GPHN: variants seen among roughly 807,000 people sequenced by gnomAD.
The protein encoded by GPHN is gephyrin.
A neutral mutation model predicts 95.5 loss-of-function variants in GPHN; 17 were observed. The observed-to-expected ratio is 0.18, with a 90% CI of 0.12 to 0.27. GPHN has a LOEUF of 0.27. GPHN is among the 10% of genes least tolerant of loss of function. The pLI, the probability that GPHN is intolerant of heterozygous loss-of-function variation, is 1.00. For missense variants in GPHN, 660 were observed against 978.1 expected (o/e 0.67, Z 4.34); for synonymous variants, 320 against 322.5 (o/e 0.99, Z 0.08).
intron 4 of GPHN, among the ~76,000 whole-genome samples, chr14:66,859,720 A>G (rs558971065): frequency 6.6e-6 from 1 of 152,354 alleles, no homozygotes; most frequent in African/African-American, 2.4e-5. Flanking sequence ...ACTCAAATTC[A>G]AGATAACACA....
intron 9 of GPHN, among the ~76,000 whole-genome samples, chr14:66,993,901 C>G (rs980442198): frequency 1.3e-5 from 2 of 152,044 alleles, no homozygotes; most frequent in Admixed American, 1.3e-4. Context: ...ATCTGAGTAT[C>G]TTGGTAGATG....
At chr14:66,516,153 C>A (rs2058236340) in intron 1 of GPHN, among the ~76,000 whole-genome samples, 1 of 151,426 alleles carries the variant, frequency 6.6e-6, no homozygotes, top group Non-Finnish European at 1.5e-5. Context: ...ATTACAGGCG[C>A]CTGCCACCAT....
chr14:67,662,902 C>CAAAAAA, the GPHN span: 16 of 899,712 alleles, frequency 1.8e-5, no homozygotes, highest in South Asian at 1.3e-4. Flanking sequence ...GACTCTGTCT[C>CAAAAAA]AAAAAAAAAA....
the GPHN span, among the ~76,000 whole-genome samples, chr14:67,638,813 T>A: frequency 1.3e-5 from 2 of 152,226 alleles, no homozygotes; most frequent in Non-Finnish European, 2.9e-5. Context: ...CCCAGACTCA[T>A]GCTAACCATG....
chr14:67,315,077 G>C, the GPHN span, among the ~76,000 whole-genome samples: 3 of 151,870 alleles, frequency 2.0e-5, no homozygotes, highest in Admixed American at 6.6e-5. Context: ...CAGTGTAACA[G>C]AGCAGTCTCA....
chr14:67,125,837 A>C lies in GPHN; in HGVS notation c.1748+3460A>C, dbSNP rs530094022. On this transcript the variant is annotated intron_variant, in intron 17 of 22. Transcript: ENST00000478722. ...ACTCAACTATGACAGATAAGGGTAGAGAGTGACAGCTCTATTTGTATCATT... is the reference window on the plus strand; with the variant it reads ...ACTCAACTATGACAGATAAGGGTAGCGAGTGACAGCTCTATTTGTATCATT... Among the ~76,000 whole-genome samples, 363 of 152,104 alleles carry C rather than the reference A, an allele frequency of 2.4e-3. 4 individuals carry two copies. The highest frequency in any genetic ancestry group is 8.2e-3 in the African/African-American group (342 of 41,512).
At chr14:66,677,682 C>T (rs1325475108) in intron 1 of GPHN, among the ~76,000 whole-genome samples, 1 of 131,044 alleles carries the variant, frequency 7.6e-6, no homozygotes, top group African/African-American at 3.9e-5. Context: ...TTCTTGAGGC[C>T]AGTCTTGTGG....
At chr14:67,318,491 A>C in the GPHN span, among the ~76,000 whole-genome samples, 1 of 152,192 alleles carries the variant, frequency 6.6e-6, no homozygotes, top group Non-Finnish European at 1.5e-5. Context: ...TACTGTAGAA[A>C]ACGTGGCAAA....
intron 1 of GPHN, among the ~76,000 whole-genome samples, chr14:66,591,984 G>A (rs1456010696): frequency 2.0e-5 from 3 of 152,146 alleles, no homozygotes; most frequent in Non-Finnish European, 2.9e-5. Flanking sequence ...ACAGAATGGA[G>A]TCCTTAGACA....
At chr14:66,898,272 C>A (rs1486731025) in intron 5 of GPHN, among the ~76,000 whole-genome samples, 1 of 151,670 alleles carries the variant, frequency 6.6e-6, no homozygotes. Context: ...AGTCTAAGCA[C>A]CCTTCACCTA....
At chr14:66,559,493 T>C (rs1215598981) in intron 1 of GPHN, among the ~76,000 whole-genome samples, 3 of 149,468 alleles carry the variant, frequency 2.0e-5, no homozygotes, top group Non-Finnish European at 4.4e-5. Context: ...TGGTCAGTGA[T>C]GATGAGCATT....
the GPHN span, among the ~76,000 whole-genome samples, chr14:67,671,469 T>C: frequency 6.6e-6 from 1 of 151,940 alleles, no homozygotes; most frequent in East Asian, 1.9e-4. Context: ...GAGGTTGCAG[T>C]GAGCTGAGAT....
chr14:67,297,888 C>T, the GPHN span, among the ~76,000 whole-genome samples: 1 of 152,106 alleles, frequency 6.6e-6, no homozygotes, highest in Non-Finnish European at 1.5e-5. Flanking sequence ...GGGGAAATAG[C>T]CCTATTGATA....
intron 3 of GPHN, among the ~76,000 whole-genome samples, chr14:66,801,140 A>G (rs2060333135): frequency 6.6e-6 from 1 of 151,426 alleles, no homozygotes; most frequent in African/African-American, 2.4e-5. Flanking sequence ...CAACACAGCT[A>G]TTTTGTATTC....
the GPHN span, chr14:67,587,103 C>CTA: frequency 6.2e-7 from 1 of 1,612,714 alleles, no homozygotes; most frequent in Non-Finnish European, 8.5e-7. Context: ...TCATGGCCAG[C>CTA]TATATGAACC....
the GPHN span, among the ~76,000 whole-genome samples, chr14:67,708,064 T>C: frequency 6.6e-6 from 1 of 152,248 alleles, no homozygotes; most frequent in African/African-American, 2.4e-5. Context: ...AATAGCTGTA[T>C]TGTTATAAGT....
chr14:66,989,794 C>T (rs893811020), intron 9 of GPHN, among the ~76,000 whole-genome samples: 14 of 151,958 alleles, frequency 9.2e-5, no homozygotes, highest in Admixed American at 9.2e-4. Context: ...CCCAAGTATA[C>T]CTTAAAGTGC....
intron 1 of GPHN, among the ~76,000 whole-genome samples, chr14:66,593,593 C>T (rs186336493): frequency 8.5e-5 from 13 of 152,298 alleles, no homozygotes; most frequent in Admixed American, 3.9e-4. Context: ...TCTTTCTCAA[C>T]ACCCAGGGAT....
intron 10 of GPHN, among the ~76,000 whole-genome samples, chr14:67,048,553 C>A (rs1480963099): frequency 6.6e-6 from 1 of 152,234 alleles, no homozygotes; most frequent in Non-Finnish European, 1.5e-5. Flanking sequence ...TATAATAATT[C>A]AGTCTGTCAC....
Sources: gnomAD v4.1 joint callset for allele counts (sites outside exome capture counted in the v4.1 genomes callset) on GRCh38, gnomAD v4.1.1 for gene constraint, MANE v1.5 for transcripts, NCBI Gene and HGNC (gene_info 2026-07-23, HGNC 2026-07-21) for gene names.